TM2D3: variants seen among roughly 807,000 people sequenced by gnomAD.
TM2D3 encodes the protein TM2 domain containing 3.
Under a neutral mutation model 27.3 loss-of-function variants are expected in TM2D3, and 33 were observed. That is an observed-to-expected ratio of 1.21 (90% confidence interval 0.92 to 1.61). The LOEUF (loss-of-function observed/expected upper bound fraction) is 1.61. Among genes scored for constraint, TM2D3 ranks in the 40% most tolerant of loss-of-function variants. The pLI is 0.00. For missense variants in TM2D3, 364 were observed against 320.8 expected (o/e 1.13, Z -1.03); for synonymous variants, 138 against 122.2 (o/e 1.13, Z -0.85).
chr15:101,636,568 C>T lies in TM2D3; in HGVS notation c.501-2840G>A, dbSNP rs888679575. 25 of 164,634 alleles carry T rather than the reference C, an allele frequency of 1.5e-4. 2 individuals carry two copies. Among genetic ancestry groups the T allele is most frequent in the Non-Finnish European group, 2.9e-4 (22 of 75,626 alleles). The allele number at this position is 164,634 out of a possible 1,614,324, so 10.2% of individuals were successfully genotyped here. ...ATAGTTCTTATCATAGGTACATGTG[C>T]GTGAGTACTCCTCCTTCAGGGCCTC... On this transcript the variant is annotated intron_variant, in intron 4 of 4. Transcript: ENST00000428002.
Position 101,642,528 on chromosome 15 carries a change from A to T in TM2D3, c.695T>A (p.Leu232His), listed in dbSNP as rs1228372876. The change falls in exon 6 of 6, where the codon CTC (leucine) becomes CAC (histidine). Residue 232 changes from leucine (L) to histidine (H), a missense_variant. Transcript: ENST00000333202. ...TGGTCCAACATAGCCAACTCCAATG[A>T]GCAGGACGTCTATCAGCGTCCATAT... ...LGIWTLIDVL[L>H]IGVGYVGPAD... 1 of 1,613,538 alleles carries T rather than the reference A, an allele frequency of 6.2e-7. No individual in the cohort carries two copies. Among genetic ancestry groups the T allele is most frequent in the Non-Finnish European group, 8.5e-7 (1 of 1,179,878 alleles).
chr15:101,635,267 G>T (rs185619118), intron 4 of TM2D3: 7 of 151,956 alleles, frequency 4.6e-5, no homozygotes, highest in African/African-American at 1.7e-4. Context: ...AAGTTCAGAC[G>T]GAAATTTATA....
downstream of TM2D3, among the ~76,000 whole-genome samples, chr15:101,639,144 TAACC>T (rs1896612780): frequency 6.6e-6 from 1 of 152,358 alleles, no homozygotes; most frequent in African/African-American, 2.4e-5. Context: ...GTTACAAAAT[TAACC>T]AATAGGTCTA....
chr15:101,643,291 T>A (rs1896714918), intron 5 of TM2D3, among the ~76,000 whole-genome samples: 1 of 152,054 alleles, frequency 6.6e-6, no homozygotes, highest in African/African-American at 2.4e-5. Flanking sequence ...CATCATCTCA[T>A]TACAGTGATG....
In TM2D3 at chr15:101,642,627, AACCC is replaced by A; in HGVS notation, c.592_595del (p.Gly198LeufsTer29). 1 of 1,609,502 alleles carries A rather than the reference AACCC, an allele frequency of 6.2e-7. No individual in the cohort carries two copies. ...GCCCAGGTAGAAACGGTCTGCTCCA[AACCC>A]ACCGAGGGTGATGCTGCGATGGCAA... On this transcript the variant is annotated frameshift_variant, in exon 6 of 6. Transcript: ENST00000333202. LOFTEE classifies it high-confidence loss of function.
chr15:101,642,615 C>T lies in TM2D3; in HGVS notation c.608G>A (p.Arg203His), dbSNP rs984353032. The T allele has an allele frequency of 2.5e-6, 4 of 1,612,668 alleles. No homozygotes were observed. Among genetic ancestry groups the T allele is most frequent in the Non-Finnish European group, 3.4e-6 (4 of 1,179,418 alleles). ...SITLGGFGAD[R>H]FYLGQWREGL... ...TTCCCGCCACTGGCCCAGGTAGAAA[C>T]GGTCTGCTCCAAACCCACCGAGGGT... Residue 203 changes from arginine to histidine, a missense_variant, in exon 6 of 6, where the codon CGT (arginine) becomes CAT (histidine). Arg to His is a conservative substitution (Grantham distance 29, BLOSUM62 0). Coordinates refer to ENST00000333202, the MANE Select transcript of TM2D3 (RefSeq NM_078474.3).
In TM2D3 at chr15:101,642,534, A is replaced by T. The variant is rs1311423151; in HGVS notation, c.689T>A (p.Val230Asp). ...AACATAGCCAACTCCAATGAGCAGG[A>T]CGTCTATCAGCGTCCATATTCCCAG... Reference protein sequence around the residue: ...GGLGIWTLIDVLLIGVGYVGP... With the variant: ...GGLGIWTLIDDLLIGVGYVGP... The change falls in exon 6 of 6, where the codon GTC becomes GAC. Residue 230 changes from valine to aspartate, a missense_variant. Val to Asp is a radical substitution (Grantham distance 152, BLOSUM62 -3). Coordinates refer to ENST00000333202, the MANE Select transcript of TM2D3 (RefSeq NM_078474.3). 1.9e-6 allele frequency: 3 copies of T among 1,613,536 alleles called. No individual in the cohort carries two copies. The highest frequency in any genetic ancestry group is 1.3e-5 in the African/African-American group (1 of 74,930).
At chr15:101,636,854 AT>A, downstream of TM2D3, 1 of 386,026 alleles carries the variant, frequency 2.6e-6, no homozygotes, top group Non-Finnish European at 5.2e-6. Flanking sequence ...TTTTTCTTTT[AT>A]TTTTTAGAGA....
rs577458225 is a variant in TM2D3, at chr15:101,643,794, CATTT to C, written c.579-1154_579-1151del. ...AATTAAAATTATTCCAAGTTTCAAA[CATTT>C]ATTTATTTTTTTAAAAAGCCAGTTG... On this transcript the variant is annotated intron_variant, in intron 5 of 5. Coordinates refer to ENST00000333202, the MANE Select transcript of TM2D3 (RefSeq NM_078474.3). Among the ~76,000 whole-genome samples, 175 of 151,938 alleles carry C rather than the reference CATTT, an allele frequency of 1.2e-3. 2 individuals are homozygous for C. Among genetic ancestry groups the C allele is most frequent in the African/African-American group, 4.0e-3 (164 of 41,394 alleles).
chr15:101,640,796 G>A (rs1399647719), downstream of TM2D3, among the ~76,000 whole-genome samples: 3 of 152,180 alleles, frequency 2.0e-5, no homozygotes, highest in Admixed American at 6.5e-5. Flanking sequence ...GGTTCCAAGG[G>A]CTATGCCCTT....
chr15:101,637,455 G>A (rs1896574797), downstream of TM2D3, among the ~76,000 whole-genome samples: 2 of 152,174 alleles, frequency 1.3e-5, no homozygotes, highest in Admixed American at 1.3e-4. Context: ...TCAAGATATG[G>A]CAAAGAAACA....
intron 3 of TM2D3, among the ~76,000 whole-genome samples, chr15:101,648,543 G>A (rs1025895223): frequency 5.9e-5 from 9 of 152,182 alleles, no homozygotes; most frequent in African/African-American, 1.9e-4. Flanking sequence ...GAAGTGAGCC[G>A]GCCTCGTCTG....
chr15:101,646,414 C>A (rs1442647557), intron 4 of TM2D3: 1 of 337,122 alleles, frequency 3.0e-6, no homozygotes, highest in Non-Finnish European at 5.5e-6. Flanking sequence ...AGCACTCAGG[C>A]ACTCAGGCGG....
chr15:101,642,588 C>A lies in TM2D3; in HGVS notation c.635G>T (p.Gly212Val). The A allele has an allele frequency of 1.2e-6, 2 of 1,609,010 alleles. No homozygotes were observed. The highest frequency in any genetic ancestry group is 8.5e-7 in the Non-Finnish European group (1 of 1,178,024). Residue 212 changes from glycine to valine, a missense_variant, in exon 6 of 6, where the codon GGC becomes GTC. Gly to Val is a moderately radical substitution (Grantham distance 109). Coordinates refer to ENST00000333202, the MANE Select transcript of TM2D3 (RefSeq NM_078474.3). ...ACCGAAGCTGAAGAGCTTGCCGAGG[C>A]CTTCCCGCCACTGGCCCAGGTAGAA... The part of the protein sequence containing the change: ...DRFYLGQWRE[G>V]LGKLFSFGGL...
downstream of TM2D3, among the ~76,000 whole-genome samples, chr15:101,640,693 A>T (rs1896646360): frequency 6.6e-6 from 1 of 152,186 alleles, no homozygotes; most frequent in Non-Finnish European, 1.5e-5. Context: ...ACTATTTGAA[A>T]ATCTCTTCGT....
At chr15:101,645,482 A>T (rs781329396) in intron 4 of TM2D3, 6 of 304,276 alleles carry the variant, frequency 2.0e-5, no homozygotes, top group Non-Finnish European at 3.1e-5. Flanking sequence ...AAAGTCAAGA[A>T]CCAGAAATAT....
chr15:101,633,860 G>A, intron 4 of TM2D3: 3 of 727,220 alleles, frequency 4.1e-6, no homozygotes, highest in South Asian at 5.0e-5. Context: ...ATTGAGAAGA[G>A]ATGATCAAAA....
chr15:101,651,796 T>C, intron 1 of TM2D3, 23 bp from the exon 2 acceptor site: 4 of 1,612,698 alleles, frequency 2.5e-6, no homozygotes, highest in South Asian at 2.2e-5. Context: ...ATCGTACAAT[T>C]AGAGAAACAC....
intron 4 of TM2D3, chr15:101,634,595 C>T (rs1896516560): frequency 6.6e-6 from 1 of 152,228 alleles, no homozygotes. Flanking sequence ...GCAAATTGAC[C>T]TAATCGTCAC....
Sources: gnomAD v4.1 joint callset for allele counts (sites outside exome capture counted in the v4.1 genomes callset) on GRCh38, gnomAD v4.1.1 for gene constraint, MANE v1.5 for transcripts, NCBI Gene and HGNC (gene_info 2026-07-23, HGNC 2026-07-21) for gene names.